The following GHR variants were observed in gnomAD, a reference collection of about 807,000 sequenced individuals.
GHR encodes the protein growth hormone receptor, also known as GH receptor.
GHR carries 35 observed loss-of-function variants against 67.1 expected under a neutral mutation model. The ratio of observed to expected loss-of-function variants is 0.52; its 90% CI spans 0.40 to 0.69. The LOEUF (loss-of-function observed/expected upper bound fraction) is 0.69. GHR is among the 30% of genes least tolerant of loss of function. The probability of loss-of-function intolerance (pLI) is 0.00; values close to 1 mark genes in which losing one functional copy is unlikely to be tolerated. For missense variants in GHR, 792 were observed against 764.6 expected (o/e 1.04, Z -0.42); for synonymous variants, 272 against 269.1 (o/e 1.01, Z -0.10).
chr5:42,461,503 G>C (rs1437319845), intron 1 of GHR, among the ~76,000 whole-genome samples: 3 of 152,166 alleles, frequency 2.0e-5, no homozygotes, highest in Non-Finnish European at 4.4e-5. Context: ...CTTACATCAT[G>C]ACTGTCAGCC....
At chr5:42,689,782 G>A (rs1299700329) in intron 4 of GHR, among the ~76,000 whole-genome samples, 1 of 152,078 alleles carries the variant, frequency 6.6e-6, no homozygotes, top group Non-Finnish European at 1.5e-5. Flanking sequence ...CTTTATTTGT[G>A]GTGGAAAGCT....
chr5:42,569,522 G>A (rs781775989), intron 2 of GHR, among the ~76,000 whole-genome samples: 14 of 152,230 alleles, frequency 9.2e-5, no homozygotes, highest in Non-Finnish European at 2.1e-4. Context: ...GAAAGAGGAA[G>A]TGTATGCCAT....
At chr5:42,501,710 G>T (rs2112232697) in intron 1 of GHR, among the ~76,000 whole-genome samples, 1 of 152,268 alleles carries the variant, frequency 6.6e-6, no homozygotes, top group Non-Finnish European at 1.5e-5. Context: ...CACCTGGGGA[G>T]AAAATCTTCC....
At chr5:42,468,067 G>A (rs1266080105) in intron 1 of GHR, 3 of 943,572 alleles carry the variant, frequency 3.2e-6, no homozygotes, top group South Asian at 1.5e-5. Context: ...TGATGCGGGG[G>A]TTTTCAGCTT....
chr5:42,444,018 T>C (rs533553694), intron 1 of GHR, among the ~76,000 whole-genome samples: 7 of 151,682 alleles, frequency 4.6e-5, no homozygotes, highest in African/African-American at 1.7e-4. Context: ...GATATAGATA[T>C]AGATATAGAT....
chr5:42,546,981 T>A (rs969140037), intron 1 of GHR, among the ~76,000 whole-genome samples: 5 of 152,158 alleles, frequency 3.3e-5, no homozygotes, highest in African/African-American at 1.2e-4. Context: ...GATCAGGTGT[T>A]TATGGACCAC....
intron 3 of GHR, among the ~76,000 whole-genome samples, chr5:42,646,872 G>A (rs1009120584): frequency 5.3e-5 from 8 of 152,106 alleles, no homozygotes; most frequent in African/African-American, 1.9e-4. Context: ...ACTGGGAATC[G>A]TGACTTGCAT....
chr5:42,434,312 G>A (rs1349858688), intron 1 of GHR, among the ~76,000 whole-genome samples: 2 of 152,080 alleles, frequency 1.3e-5, no homozygotes, highest in Admixed American at 1.3e-4. Flanking sequence ...TAGTGCATAG[G>A]GACATTGGGA....
intron 1 of GHR, among the ~76,000 whole-genome samples, chr5:42,461,339 T>C (rs529145798): frequency 2.0e-5 from 3 of 152,362 alleles, no homozygotes; most frequent in African/African-American, 4.8e-5. Flanking sequence ...CCAAGGCTCT[T>C]AGAATAAATC....
chr5:42,450,660 T>C (rs1744009428), intron 1 of GHR, among the ~76,000 whole-genome samples: 1 of 152,110 alleles, frequency 6.6e-6, no homozygotes. Context: ...GGTTATATCT[T>C]TTCTTCTGCT....
chr5:42,617,384 TTAC>T (rs1434304375), intron 2 of GHR, among the ~76,000 whole-genome samples: 1 of 87,652 alleles, frequency 1.1e-5, no homozygotes, highest in African/African-American at 4.5e-5. Context: ...GAAGTTCATT[TTAC>T]ACACACACAC....
At chr5:42,506,721 C>G (rs1442279085) in intron 1 of GHR, among the ~76,000 whole-genome samples, 3 of 152,164 alleles carry the variant, frequency 2.0e-5, no homozygotes, top group African/African-American at 7.2e-5. Flanking sequence ...TGACACTGGT[C>G]AAGCGTATCC....
intron 2 of GHR, among the ~76,000 whole-genome samples, chr5:42,591,352 G>T (rs950543699): frequency 2.0e-5 from 3 of 152,228 alleles, no homozygotes; most frequent in African/African-American, 4.8e-5. Context: ...CGTGGATCTT[G>T]TTCTGTCATT....
At chr5:42,645,523 G>A (rs1188545305) in intron 3 of GHR, among the ~76,000 whole-genome samples, 1 of 152,172 alleles carries the variant, frequency 6.6e-6, no homozygotes, top group East Asian at 1.9e-4. Context: ...CCAGTTAGTT[G>A]CCATTTTCTA....
intron 3 of GHR, among the ~76,000 whole-genome samples, chr5:42,683,222 G>A (rs1436746630): frequency 1.3e-5 from 2 of 151,978 alleles, no homozygotes; most frequent in East Asian, 1.9e-4. Context: ...GGCTGGTCTC[G>A]ATCTCGTGAC....
intron 1 of GHR, chr5:42,467,398 G>A: frequency 1.1e-6 from 1 of 928,862 alleles, no homozygotes; most frequent in Non-Finnish European, 1.8e-6. Flanking sequence ...CTTCTCCCCA[G>A]TGTGGATCCT....
intron 3 of GHR, among the ~76,000 whole-genome samples, chr5:42,650,794 A>C (rs1412324067): frequency 6.6e-6 from 1 of 151,978 alleles, no homozygotes; most frequent in Non-Finnish European, 1.5e-5. Flanking sequence ...GGGATCCTGA[A>C]CCAGATTCCC....
At chr5:42,635,697 A>T (rs1448328337) in intron 3 of GHR, among the ~76,000 whole-genome samples, 1 of 152,206 alleles carries the variant, frequency 6.6e-6, no homozygotes, top group Non-Finnish European at 1.5e-5. Flanking sequence ...GAGCAATGAT[A>T]AGTGGTAAGT....
chr5:42,544,942 G>A (rs945558675), intron 1 of GHR, among the ~76,000 whole-genome samples: 11 of 152,110 alleles, frequency 7.2e-5, no homozygotes, highest in Admixed American at 2.6e-4. Flanking sequence ...GGTAGTTGGA[G>A]GGGTACTATG....
Sources: allele counts gnomAD v4.1 joint callset (sites outside exome capture counted in the v4.1 genomes callset), GRCh38; gene constraint gnomAD v4.1.1; transcripts MANE v1.5; gene names NCBI Gene and HGNC (gene_info 2026-07-23, HGNC 2026-07-21).